UBE2Z: variants seen among roughly 807,000 people sequenced by gnomAD.
UBE2Z encodes ubiquitin-conjugating enzyme E2 Z.
UBE2Z carries 10 observed loss-of-function variants against 32.6 expected under a neutral mutation model. That is an observed-to-expected ratio of 0.31 (90% CI 0.19 to 0.52). UBE2Z has a LOEUF of 0.52. Among genes scored for constraint, UBE2Z ranks in the 20% least tolerant of loss-of-function variants. The pLI, the probability that UBE2Z is intolerant of heterozygous loss-of-function variation, is 0.97. For missense variants in UBE2Z, 343 were observed against 480.9 expected (o/e 0.71, Z 2.68); for synonymous variants, 183 against 190.8 (o/e 0.96, Z 0.34).
chr17:48,910,472 G>A (rs922153819), intron 1 of UBE2Z: 4 of 272,304 alleles, frequency 1.5e-5, no homozygotes, highest in African/African-American at 8.6e-5. Flanking sequence ...GAGGTGGGGA[G>A]TGAATGAATT....
At chr17:48,926,159 C>T (rs1047596424) in intron 6 of UBE2Z, among the ~76,000 whole-genome samples, 1 of 152,074 alleles carries the variant, frequency 6.6e-6, no homozygotes, top group African/African-American at 2.4e-5. Context: ...AATGGAGTGA[C>T]GAGTCCCTGG....
At chr17:48,918,013 A>G (rs781308773) in intron 4 of UBE2Z, among the ~76,000 whole-genome samples, 2 of 152,022 alleles carry the variant, frequency 1.3e-5, no homozygotes, top group African/African-American at 4.8e-5. Flanking sequence ...CTCGGCTCAC[A>G]GCAACTTCTG....
At chr17:48,917,309 A>AAAT (rs897801487) in intron 4 of UBE2Z, among the ~76,000 whole-genome samples, 1 of 152,146 alleles carries the variant, frequency 6.6e-6, no homozygotes, top group Admixed American at 6.5e-5. Context: ...CGTCTTAAAA[A>AAAT]AATAATAATA....
In UBE2Z at chr17:48,922,825, C is replaced by G. The variant is rs758585154; in HGVS notation, c.804-22C>G. The G allele has an allele frequency of 3.8e-6, 6 of 1,598,970 alleles. No individual in the cohort carries two copies. In the South Asian group the frequency reaches 5.6e-5, roughly 15 times the overall value. On this transcript the variant is annotated intron_variant, in intron 5 of 6. Transcript: ENST00000360943. ...CCTGTACCCCTGGGTTTCTCACTTACACTTTTCTGCTTGTTTTCCAGAGGG... is the reference window on the plus strand; with the variant it reads ...CCTGTACCCCTGGGTTTCTCACTTAGACTTTTCTGCTTGTTTTCCAGAGGG...
At chr17:48,922,623 C>G (rs1386240622) in intron 5 of UBE2Z, among the ~76,000 whole-genome samples, 1 of 151,648 alleles carries the variant, frequency 6.6e-6, no homozygotes, top group Non-Finnish European at 1.5e-5. Context: ...AAAAATTAGC[C>G]AGGCGTGGTG....
chr17:48,926,246 A>G (rs2040797251), intron 6 of UBE2Z, among the ~76,000 whole-genome samples: 1 of 152,136 alleles, frequency 6.6e-6, no homozygotes, highest in African/African-American at 2.4e-5. Context: ...AAAGCAGATT[A>G]CCATTTTTGA....
chr17:48,924,501 A>G (rs181799447), intron 6 of UBE2Z, among the ~76,000 whole-genome samples: 7 of 152,268 alleles, frequency 4.6e-5, no homozygotes, highest in African/African-American at 1.4e-4. Context: ...GCTTCCCATA[A>G]GAACTCAAAA....
chr17:48,910,709 C>T, intron 1 of UBE2Z, 99 bp from the exon 2 acceptor site: 1 of 904,772 alleles, frequency 1.1e-6, no homozygotes, highest in South Asian at 1.3e-5. Flanking sequence ...TTTCTCAAAC[C>T]CTGGCCTCAT....
At chr17:48,922,017 G>A (rs1479873865) in intron 5 of UBE2Z, among the ~76,000 whole-genome samples, 1 of 152,142 alleles carries the variant, frequency 6.6e-6, no homozygotes, top group Non-Finnish European at 1.5e-5. Flanking sequence ...AACACAGCAA[G>A]ACCCTGCCTC....
chr17:48,919,487 A>G lies in UBE2Z; in HGVS notation c.691-1673A>G, dbSNP rs112007142. 5.3e-3 allele frequency among the ~76,000 whole-genome samples: 808 copies of G among 152,086 alleles called. 8 individuals carry two copies. The highest frequency in any genetic ancestry group is 0.018 in the African/African-American group (765 of 41,464). Reference sequence around the variant, plus strand: ...TGATAGATTTATTTCTAATTGTACTATTTCTTTGAGACAAAGTCTTGCTTT... The same window carrying G: ...TGATAGATTTATTTCTAATTGTACTGTTTCTTTGAGACAAAGTCTTGCTTT... On this transcript the variant is annotated intron_variant, in intron 4 of 6. Transcript: ENST00000360943.
At chr17:48,919,669 G>C (rs2040745524) in intron 4 of UBE2Z, among the ~76,000 whole-genome samples, 2 of 152,134 alleles carry the variant, frequency 1.3e-5, no homozygotes, top group African/African-American at 4.8e-5. Flanking sequence ...ATAGAGACGG[G>C]ATCTCACCAT....
intron 6 of UBE2Z, chr17:48,923,239 T>C (rs2143774614): frequency 5.5e-6 from 1 of 182,920 alleles, no homozygotes; most frequent in East Asian, 1.3e-4. Context: ...GAGAATCACT[T>C]GAACCCAGGA....
Position 48,922,859 on chromosome 17 carries a change from G to C in UBE2Z, c.816G>C (p.Glu272Asp). The C allele has an allele frequency of 6.2e-7, 1 of 1,611,908 alleles. No individual in the cohort carries two copies. Among genetic ancestry groups the C allele is most frequent in the Non-Finnish European group, 8.5e-7 (1 of 1,178,426 alleles). Reference protein sequence around the residue: ...PCPEPLRGVMEKSFLEYYDFY... With the variant: ...PCPEPLRGVMDKSFLEYYDFY... Reference sequence around the variant, plus strand: ...GCTTGTTTTCCAGAGGGGTGATGGAGAAGTCCTTTCTGGAGTATTACGACT... The same window carrying C: ...GCTTGTTTTCCAGAGGGGTGATGGACAAGTCCTTTCTGGAGTATTACGACT... The change falls in exon 6 of 7, where the codon GAG becomes GAC. Residue 272 changes from glutamate to aspartate, a missense_variant. Physicochemically the swap from Glu to Asp is conservative, Grantham distance 45 (BLOSUM62 2). Coordinates refer to ENST00000360943, the MANE Select transcript of UBE2Z (RefSeq NM_023079.5).
chr17:48,922,386 C>T (rs1390395713), intron 5 of UBE2Z, among the ~76,000 whole-genome samples: 2 of 151,250 alleles, frequency 1.3e-5, no homozygotes, highest in Non-Finnish European at 2.9e-5. Flanking sequence ...GACTCAGTCT[C>T]AAAAAAATAA....
chr17:48,912,702 A>T, intron 2 of UBE2Z, 132 bp from the exon 3 acceptor site: 1 of 898,098 alleles, frequency 1.1e-6, no homozygotes, highest in African/African-American at 1.7e-5. Flanking sequence ...TTCCTTCTGC[A>T]TGGTGAGGAT....
chr17:48,909,471 T>TC (rs1269256366), intron 1 of UBE2Z, among the ~76,000 whole-genome samples: 1 of 150,048 alleles, frequency 6.7e-6, no homozygotes, highest in Non-Finnish European at 1.5e-5. Context: ...ACAGGCTACC[T>TC]CCCCCCAATT....
At chr17:48,926,736 C>T (rs1030323272) in intron 6 of UBE2Z, among the ~76,000 whole-genome samples, 11 of 152,286 alleles carry the variant, frequency 7.2e-5, no homozygotes, top group African/African-American at 2.4e-4. Context: ...CCGCCTCGGC[C>T]GCCCAAAGTG....
intron 1 of UBE2Z, 64 bp downstream of exon 1, chr17:48,908,884 C>T (rs2040650478): frequency 3.6e-6 from 4 of 1,103,606 alleles, no homozygotes; most frequent in Admixed American, 4.0e-5. Context: ...CGCCCCCCAC[C>T]CTCTCCCACT....
intron 5 of UBE2Z, among the ~76,000 whole-genome samples, chr17:48,921,934 G>T (rs1350183288): frequency 6.6e-6 from 1 of 151,932 alleles, no homozygotes; most frequent in African/African-American, 2.4e-5. Context: ...AGGCTGAGGT[G>T]GGAGGATTGC....
Sources: allele counts gnomAD v4.1 joint callset (sites outside exome capture counted in the v4.1 genomes callset), GRCh38; gene constraint gnomAD v4.1.1; transcripts MANE v1.5; gene names NCBI Gene and HGNC (gene_info 2026-07-23, HGNC 2026-07-21).